Variants in ZSCAN25 observed in about 807,000 individuals in gnomAD.
The protein encoded by ZSCAN25 is zinc finger and SCAN domain-containing protein 25.
Under a neutral mutation model 38.7 loss-of-function variants are expected in ZSCAN25, and 27 were observed. That is an observed-to-expected ratio of 0.70 (90% CI 0.51 to 0.96). The LOEUF (loss-of-function observed/expected upper bound fraction) is 0.96. Ranked by LOEUF, ZSCAN25 falls within the 40% of genes least tolerant of loss-of-function variation. ZSCAN25 has a pLI of 0.00. For missense variants in ZSCAN25, 637 were observed against 705.9 expected, an observed-to-expected ratio of 0.90 and a Z score of 1.11; for synonymous variants, 273 against 277.7, an observed-to-expected ratio of 0.98 and a Z score of 0.17.
the ZSCAN25 span, among the ~76,000 whole-genome samples, chr7:99,729,534 C>T: frequency 2.6e-5 from 4 of 152,266 alleles, no homozygotes; most frequent in East Asian, 3.9e-4. Context: ...CAAGCCTGCA[C>T]GTGTACATCC....
Position 99,629,556 on chromosome 7 carries a change from A to T in ZSCAN25, c.1171A>T (p.Met391Leu). The stretch of plus-strand genomic sequence containing the variant: ...GGGCTTTACCCTGAGAGAATACCTG[A>T]TGAAGCACCAGAGAACCCACCTGGG... ...GKGFTLREYL[M>L]KHQRTHLGKR... The change falls in exon 8 of 8, where the codon ATG becomes TTG. Residue 391 changes from methionine (M) to leucine (L), a missense_variant. Physicochemically the swap from Met to Leu is conservative, Grantham distance 15 (BLOSUM62 2). Transcript: ENST00000394152. The surrounding 1 kb of genome is among the most constrained non-coding windows in gnomAD (Gnocchi z 5.6). The T allele has an allele frequency of 6.2e-7, 1 of 1,614,158 alleles. No homozygotes were observed. The highest frequency in any genetic ancestry group is 8.5e-7 in the Non-Finnish European group (1 of 1,180,010).
At chr7:99,661,981 A>G in the ZSCAN25 span, among the ~76,000 whole-genome samples, 1 of 152,256 alleles carries the variant, frequency 6.6e-6, no homozygotes, top group Non-Finnish European at 1.5e-5. Flanking sequence ...AGTGATTTCT[A>G]TATGAAACAG....
chr7:99,639,981 T>C, the ZSCAN25 span, among the ~76,000 whole-genome samples: 1 of 151,942 alleles, frequency 6.6e-6, no homozygotes, highest in Non-Finnish European at 1.5e-5. Context: ...GTGGGAGGAT[T>C]GCTTGAGCCC....
chr7:99,725,225 C>T, the ZSCAN25 span, among the ~76,000 whole-genome samples: 6,586 of 152,218 alleles, frequency 0.043, 451 homozygotes, highest in African/African-American at 0.15. Context: ...CTTCACAGCC[C>T]TGGACCCAGA....
At chr7:99,672,583 T>A in the ZSCAN25 span, 8 of 1,613,232 alleles carry the variant, frequency 5.0e-6, no homozygotes, top group Non-Finnish European at 6.8e-6. Context: ...TGCTTACCCT[T>A]CGATTTGTGA....
chr7:99,649,628 A>G, the ZSCAN25 span, among the ~76,000 whole-genome samples: 1 of 152,186 alleles, frequency 6.6e-6, no homozygotes, highest in South Asian at 2.1e-4. Flanking sequence ...AGAATTTCTG[A>G]GATGTCACAG....
At chr7:99,725,302 A>C in the ZSCAN25 span, among the ~76,000 whole-genome samples, 11 of 152,306 alleles carry the variant, frequency 7.2e-5, no homozygotes, top group East Asian at 1.9e-3. Context: ...ACATTAGAAA[A>C]AATCTCCAAA....
rs147543179 is a variant in ZSCAN25, at chr7:99,623,121, C to T, written c.681+481C>T. 4.6e-5 allele frequency among the ~76,000 whole-genome samples: 7 copies of T among 152,314 alleles called. No individual in the cohort carries two copies. The East Asian group carries it at 1.4e-3, about 29-fold the overall frequency. On this transcript the variant is annotated intron_variant, in intron 6 of 7. Coordinates refer to ENST00000394152, the MANE Select transcript of ZSCAN25 (RefSeq NM_145115.3). ...GCGCCCAGCCACAGATGGACTCTTA[C>T]AACTGTTACAGATAGAAACCCCCTA...
chr7:99,737,683 G>T, the ZSCAN25 span, among the ~76,000 whole-genome samples: 2 of 152,186 alleles, frequency 1.3e-5, no homozygotes, highest in Non-Finnish European at 2.9e-5. Context: ...ACTTGGCTAA[G>T]ATGATTTTTA....
chr7:99,735,332 A>G, the ZSCAN25 span: 249 of 551,582 alleles, frequency 4.5e-4, no homozygotes, highest in African/African-American at 3.4e-3. Context: ...AAATAATCAC[A>G]CACACACCAC....
chr7:99,721,496 A>G, the ZSCAN25 span, among the ~76,000 whole-genome samples: 3 of 152,222 alleles, frequency 2.0e-5, no homozygotes, highest in Admixed American at 2.0e-4. Flanking sequence ...GAGACAATGC[A>G]TGTGATAAAA....
chr7:99,658,079 A>G, the ZSCAN25 span, among the ~76,000 whole-genome samples: 2 of 152,204 alleles, frequency 1.3e-5, no homozygotes, highest in African/African-American at 4.8e-5. Context: ...TAGCCCGTTT[A>G]CATTTAAGGT....
At chr7:99,718,614 T>C in the ZSCAN25 span, among the ~76,000 whole-genome samples, 2 of 152,170 alleles carry the variant, frequency 1.3e-5, no homozygotes, top group Non-Finnish European at 2.9e-5. Context: ...AATGCTTCCT[T>C]CCTAATATTA....
the ZSCAN25 span, chr7:99,662,745 G>T: frequency 7.1e-7 from 1 of 1,402,860 alleles, no homozygotes; most frequent in Non-Finnish European, 1.0e-6. This position sits in a 1 kb window ranked among gnomAD's most constrained non-coding sequence, Gnocchi z 4.3. Context: ...AATACTTCCT[G>T]CACATTTTCA....
the ZSCAN25 span, among the ~76,000 whole-genome samples, chr7:99,732,106 T>A: frequency 2.6e-4 from 39 of 152,250 alleles, no homozygotes; most frequent in Non-Finnish European, 3.8e-4. Context: ...TGGTTGTATC[T>A]TAGAGGCAGT....
At chr7:99,712,403 G>A in the ZSCAN25 span, among the ~76,000 whole-genome samples, 1 of 152,176 alleles carries the variant, frequency 6.6e-6, no homozygotes, top group Non-Finnish European at 1.5e-5. Context: ...CAATGTGGTA[G>A]CCACTATTGA....
intron 6 of ZSCAN25, 128 bp from the exon 7 acceptor site, chr7:99,623,929 A>T: frequency 2.2e-6 from 3 of 1,358,428 alleles, no homozygotes; most frequent in Non-Finnish European, 3.1e-6. Context: ...CAGTGGCTCA[A>T]ACAAGTGGAT....
At chr7:99,725,045 A>T in the ZSCAN25 span, among the ~76,000 whole-genome samples, 1 of 152,120 alleles carries the variant, frequency 6.6e-6, no homozygotes, top group Admixed American at 6.6e-5. Context: ...GCAGTACAAG[A>T]TGGACTCCCC....
the ZSCAN25 span, chr7:99,650,043 C>A: frequency 1.2e-6 from 2 of 1,611,330 alleles, no homozygotes; most frequent in Non-Finnish European, 1.7e-6. Context: ...TAAAAAAATT[C>A]TTAATAAAAC....
Sources: gnomAD v4.1 joint callset for allele counts (sites outside exome capture counted in the v4.1 genomes callset) on GRCh38, gnomAD v4.1.1 for gene constraint, Gnocchi (gnomAD v3.1) non-coding constraint, MANE v1.5 for transcripts, NCBI Gene and HGNC (gene_info 2026-07-23, HGNC 2026-07-21) for gene names.